KCNAB1: variants seen among roughly 807,000 people sequenced by gnomAD.
KCNAB1 encodes potassium voltage-gated channel subfamily A regulatory beta subunit 1, also known as voltage-gated potassium channel subunit beta-1.
Under a neutral mutation model 64.6 loss-of-function variants are expected in KCNAB1, and 35 were observed. The ratio of observed to expected loss-of-function variants is 0.54; its 90% CI spans 0.41 to 0.72. The LOEUF is 0.72. Among genes scored for constraint, KCNAB1 ranks in the 30% least tolerant of loss-of-function variants. The probability of loss-of-function intolerance (pLI) is 0.00; values close to 1 mark genes in which losing one functional copy is unlikely to be tolerated. For synonymous variants in KCNAB1, 177 were observed against 183.8 expected, an observed-to-expected ratio of 0.96 and a Z score of 0.30; for missense variants, 401 against 512.9, an observed-to-expected ratio of 0.78 and a Z score of 2.11.
intron 1 of KCNAB1, among the ~76,000 whole-genome samples, chr3:156,296,161 G>A (rs1042198710): frequency 6.6e-6 from 1 of 152,146 alleles, no homozygotes; most frequent in Non-Finnish European, 1.5e-5. Flanking sequence ...GATAGATGTA[G>A]GTATATACAT....
At chr3:156,155,456 G>A (rs1715660663) in intron 1 of KCNAB1, among the ~76,000 whole-genome samples, 2 of 152,240 alleles carry the variant, frequency 1.3e-5, no homozygotes, top group African/African-American at 2.4e-5. Context: ...AGGAGGATGA[G>A]TATTTGTGAC....
At chr3:156,413,391 G>A (rs1191922908) in intron 1 of KCNAB1, among the ~76,000 whole-genome samples, 1 of 152,210 alleles carries the variant, frequency 6.6e-6, no homozygotes, top group Non-Finnish European at 1.5e-5. Flanking sequence ...ACCAGGAGCA[G>A]AGCTTGGAGT....
intron 1 of KCNAB1, among the ~76,000 whole-genome samples, chr3:156,260,782 G>T (rs1319859752): frequency 6.6e-6 from 1 of 152,160 alleles, no homozygotes; most frequent in Non-Finnish European, 1.5e-5. Flanking sequence ...TTACTTGGTT[G>T]AATGATATAC....
At chr3:156,156,867 G>A (rs531126815) in intron 1 of KCNAB1, among the ~76,000 whole-genome samples, 31 of 152,226 alleles carry the variant, frequency 2.0e-4, no homozygotes, top group African/African-American at 6.0e-4. Flanking sequence ...AGTATATTGC[G>A]AGAACATAAA....
At chr3:156,488,345 T>C (rs1041538570) in intron 8 of KCNAB1, among the ~76,000 whole-genome samples, 13 of 151,312 alleles carry the variant, frequency 8.6e-5, no homozygotes, top group African/African-American at 3.2e-4. Flanking sequence ...ATGGGAATGC[T>C]TAGGAAGTTG....
intron 1 of KCNAB1, among the ~76,000 whole-genome samples, chr3:156,311,694 T>A (rs919227357): frequency 6.6e-6 from 1 of 152,110 alleles, no homozygotes; most frequent in Non-Finnish European, 1.5e-5. Flanking sequence ...ATAGGAAGGG[T>A]GCCTTAGGAA....
chr3:156,181,303 A>C (rs1416126080), intron 1 of KCNAB1, among the ~76,000 whole-genome samples: 1 of 152,186 alleles, frequency 6.6e-6, no homozygotes, highest in Non-Finnish European at 1.5e-5. Flanking sequence ...CACGAGACAG[A>C]GGTTAGAAGG....
chr3:156,405,352 C>T (rs1225265960), intron 1 of KCNAB1, among the ~76,000 whole-genome samples: 3 of 152,238 alleles, frequency 2.0e-5, no homozygotes, highest in African/African-American at 7.2e-5. Flanking sequence ...AGCCCTCAGA[C>T]TGCCAGCCCA....
intron 1 of KCNAB1, among the ~76,000 whole-genome samples, chr3:156,265,793 G>A (rs1434656204): frequency 6.6e-6 from 1 of 152,124 alleles, no homozygotes; most frequent in East Asian, 1.9e-4. Context: ...AGGAGATTGA[G>A]ACCATCCTGG....
chr3:156,159,544 G>C (rs1332727127), intron 1 of KCNAB1, among the ~76,000 whole-genome samples: 1 of 152,158 alleles, frequency 6.6e-6, no homozygotes, highest in Non-Finnish European at 1.5e-5. Flanking sequence ...CAACTCTTCA[G>C]TAAGTACAAT....
chr3:156,327,600 C>T (rs139174690), intron 1 of KCNAB1, among the ~76,000 whole-genome samples: 121 of 152,098 alleles, frequency 8.0e-4, no homozygotes, highest in African/African-American at 2.7e-3. Context: ...AACTCATGGC[C>T]CTATCATCAA....
intron 1 of KCNAB1, among the ~76,000 whole-genome samples, chr3:156,397,243 TCTC>T (rs1447949775): frequency 2.6e-5 from 4 of 152,192 alleles, no homozygotes; most frequent in South Asian, 2.1e-4. Flanking sequence ...GATTCAGTGT[TCTC>T]CTCTAAAAAA....
chr3:156,119,089 C>G (rs893725119), upstream of KCNAB1, among the ~76,000 whole-genome samples: 1 of 152,192 alleles, frequency 6.6e-6, no homozygotes, highest in African/African-American at 2.4e-5. Context: ...TAATATCAAA[C>G]AGGTTTCACC....
At chr3:156,325,261 TG>T (rs1722895777) in intron 1 of KCNAB1, among the ~76,000 whole-genome samples, 1 of 152,162 alleles carries the variant, frequency 6.6e-6, no homozygotes, top group Non-Finnish European at 1.5e-5. Context: ...TGTCTGACTC[TG>T]GGGCTCAAGC....
intron 1 of KCNAB1, among the ~76,000 whole-genome samples, chr3:156,339,779 G>T (rs1723978368): frequency 6.6e-6 from 1 of 152,100 alleles, no homozygotes; most frequent in Admixed American, 6.5e-5. Flanking sequence ...GAGGGGGAGG[G>T]GGCTCCCACG....
chr3:156,270,478 C>T (rs1443342107), intron 1 of KCNAB1, among the ~76,000 whole-genome samples: 1 of 151,714 alleles, frequency 6.6e-6, no homozygotes, highest in Non-Finnish European at 1.5e-5. Context: ...TTTGAGGTTA[C>T]CATAAGGCTT....
At chr3:156,324,273 T>A (rs1416129840) in intron 1 of KCNAB1, among the ~76,000 whole-genome samples, 1 of 152,154 alleles carries the variant, frequency 6.6e-6, no homozygotes, top group African/African-American at 2.4e-5. Context: ...TTGGCAACAG[T>A]TTGGTTCTCA....
intron 1 of KCNAB1, among the ~76,000 whole-genome samples, chr3:156,134,726 A>C (rs1175951563): frequency 6.6e-6 from 1 of 152,254 alleles, no homozygotes; most frequent in Non-Finnish European, 1.5e-5. Flanking sequence ...AATATTTCAA[A>C]ATGTTGATGG....
intron 1 of KCNAB1, among the ~76,000 whole-genome samples, chr3:156,164,546 A>G (rs1716258344): frequency 6.6e-6 from 1 of 152,232 alleles, no homozygotes; most frequent in African/African-American, 2.4e-5. Flanking sequence ...TGCCTGGTGC[A>G]TCAGCTATTT....
Sources: gnomAD v4.1 joint callset for allele counts (sites outside exome capture counted in the v4.1 genomes callset) on GRCh38, gnomAD v4.1.1 for gene constraint, MANE v1.5 for transcripts, NCBI Gene and HGNC (gene_info 2026-07-23, HGNC 2026-07-21) for gene names.